The following TBC1D12 variants were observed in gnomAD, a reference collection of about 807,000 sequenced individuals.
TBC1D12 encodes the protein TBC1 domain family, member 12.
A neutral mutation model predicts 86.7 loss-of-function variants in TBC1D12; 56 were observed. That is an observed-to-expected ratio of 0.65 (90% CI 0.52 to 0.81). The LOEUF is 0.81. TBC1D12 is among the 30% of genes least tolerant of loss of function. The pLI is 0.00. For missense variants in TBC1D12, 1,023 were observed against 1,038.8 expected (o/e 0.98, Z 0.21); for synonymous variants, 421 against 411.7 (o/e 1.02, Z -0.27).
chr10:94,474,872 A>T (rs1423356786), intron 3 of TBC1D12, 89 bp downstream of exon 3: 2 of 1,162,800 alleles, frequency 1.7e-6, no homozygotes, highest in East Asian at 5.1e-5. Context: ...AGCGAGAAAG[A>T]TATTGAGAAA....
At chr10:94,528,958 T>G (rs1351391552) in intron 11 of TBC1D12, among the ~76,000 whole-genome samples, 1 of 151,596 alleles carries the variant, frequency 6.6e-6, no homozygotes, top group Non-Finnish European at 1.5e-5. Context: ...TGTAGAAAAA[T>G]AAATAATGGC....
intron 6 of TBC1D12, among the ~76,000 whole-genome samples, chr10:94,505,497 C>T (rs902770534): frequency 1.3e-5 from 2 of 152,096 alleles, no homozygotes; most frequent in African/African-American, 4.8e-5. Flanking sequence ...TGCTTGAACC[C>T]GGGAGGGGGA....
intron 12 of TBC1D12, among the ~76,000 whole-genome samples, chr10:94,532,546 C>A (rs756140671): frequency 4.1e-4 from 63 of 152,118 alleles, no homozygotes; most frequent in Non-Finnish European, 6.2e-4. Flanking sequence ...CATTTATTTG[C>A]CAGAGTAGTT....
At position 94,403,582 on chromosome 10, in the gene TBC1D12, C is replaced by G; in HGVS notation, c.969C>G (p.Thr323=). The G allele has an allele frequency of 1.4e-6, 2 of 1,472,212 alleles. No individual in the cohort carries two copies. Among genetic ancestry groups the G allele is most frequent in the Non-Finnish European group, 1.8e-6 (2 of 1,121,886 alleles). 91.2% of individuals were successfully genotyped at this position (1,472,212 alleles called of 1,614,324 possible). A position where few individuals can be genotyped will look rare whatever the true frequency, so the allele number is the denominator to read the frequency against. ...GTGGCGGCTTCGCGGACTTCTTCAC[C>G]AGGTACAGCGCAGGCTGCATGGGAC... ...RRSGGFADFF[T]RNLFPKRTKE... The change falls in exon 1 of 13, where the codon ACC becomes ACG. Residue 323 remains threonine (T), a splice_region_variant and synonymous_variant. Transcript: ENST00000225235.
intron 1 of TBC1D12, among the ~76,000 whole-genome samples, chr10:94,432,693 A>G (rs1168865359): frequency 6.6e-6 from 1 of 151,882 alleles, no homozygotes; most frequent in East Asian, 1.9e-4. Context: ...TTTTTTTATG[A>G]TTTAACAAGA....
intron 1 of TBC1D12, among the ~76,000 whole-genome samples, chr10:94,422,774 G>T (rs1274944577): frequency 6.6e-6 from 1 of 152,000 alleles, no homozygotes; most frequent in East Asian, 2.0e-4. Context: ...GTTTCAGTAT[G>T]TTGTCCTGGC....
At chr10:94,455,157 A>G (rs1282390212) in intron 2 of TBC1D12, among the ~76,000 whole-genome samples, 1 of 151,222 alleles carries the variant, frequency 6.6e-6, no homozygotes, top group African/African-American at 2.4e-5. Flanking sequence ...TTTGTTCTTT[A>G]GCCTCTTGAT....
Position 94,409,374 on chromosome 10 carries a change from CTT to C in TBC1D12, c.971+5809_971+5810del, listed in dbSNP as rs71306819. ...ACTTTGAAGTGCTAAATTAAATTAA[CTT>C]TTTTTTTTTTTTTTTTTTGAGACAG... On this transcript the variant is annotated intron_variant, in intron 1 of 12. Coordinates refer to ENST00000225235, the MANE Select transcript of TBC1D12 (RefSeq NM_015188.2). 8.0e-3 allele frequency among the ~76,000 whole-genome samples: 1,004 copies of C among 125,352 alleles called. 9 individuals carry two copies. Among genetic ancestry groups the C allele is most frequent in the African/African-American group, 0.028 (931 of 33,666 alleles). The allele number at this position is 125,352 out of a possible 152,430, so 82.2% of individuals were successfully genotyped here.
At chr10:94,473,631 T>G (rs2055943151) in intron 2 of TBC1D12, among the ~76,000 whole-genome samples, 1 of 152,186 alleles carries the variant, frequency 6.6e-6, no homozygotes, top group Non-Finnish European at 1.5e-5. Context: ...GTTCGTGAAA[T>G]CATTGAGTAA....
intron 2 of TBC1D12, among the ~76,000 whole-genome samples, chr10:94,471,845 A>G (rs150583900): frequency 9.0e-4 from 137 of 152,340 alleles, no homozygotes; most frequent in African/African-American, 2.6e-3. Context: ...ATATTTAAAT[A>G]TGTATTAGCT....
At chr10:94,505,237 C>A (rs1231909475) in intron 6 of TBC1D12, among the ~76,000 whole-genome samples, 3 of 152,008 alleles carry the variant, frequency 2.0e-5, no homozygotes, top group African/African-American at 4.8e-5. Context: ...TAAATTTTAA[C>A]CTTATATTCA....
intron 3 of TBC1D12, among the ~76,000 whole-genome samples, chr10:94,485,895 C>T (rs1351420729): frequency 5.3e-5 from 8 of 152,106 alleles, no homozygotes; most frequent in South Asian, 2.1e-4. Flanking sequence ...TCCAATTTAT[C>T]GGCACACAGT....
intron 7 of TBC1D12, chr10:94,508,971 G>T (rs2056494664): frequency 6.6e-6 from 1 of 152,052 alleles, no homozygotes; most frequent in Non-Finnish European, 1.5e-5. Context: ...AGAGTAAGCT[G>T]CTCTTTCCTG....
intron 1 of TBC1D12, among the ~76,000 whole-genome samples, chr10:94,410,449 C>T (rs2054914830): frequency 6.6e-6 from 1 of 152,022 alleles, no homozygotes; most frequent in South Asian, 2.1e-4. Flanking sequence ...CCATGTTGCC[C>T]AGGCTGGTGT....
chr10:94,453,090 A>T (rs1443094348), intron 2 of TBC1D12, among the ~76,000 whole-genome samples: 1 of 152,216 alleles, frequency 6.6e-6, no homozygotes, highest in African/African-American at 2.4e-5. Context: ...CTGATGATAT[A>T]CAGGTCTTTT....
At chr10:94,476,580 G>C (rs536427711) in intron 3 of TBC1D12, among the ~76,000 whole-genome samples, 1 of 152,280 alleles carries the variant, frequency 6.6e-6, no homozygotes, top group East Asian at 1.9e-4. Flanking sequence ...AAGATCTTTA[G>C]ACTTTGCAGC....
chr10:94,459,457 C>A (rs981630483), intron 2 of TBC1D12, among the ~76,000 whole-genome samples: 1 of 152,244 alleles, frequency 6.6e-6, no homozygotes, highest in South Asian at 2.1e-4. Context: ...GCTGGGGCTG[C>A]GGGTGGAGCT....
At chr10:94,470,828 A>G (rs1018559447) in intron 2 of TBC1D12, among the ~76,000 whole-genome samples, 1 of 149,462 alleles carries the variant, frequency 6.7e-6, no homozygotes, top group Non-Finnish European at 1.5e-5. Context: ...AATCTGTGCT[A>G]TTTTCTGATA....
intron 2 of TBC1D12, among the ~76,000 whole-genome samples, chr10:94,473,284 C>T (rs1268569871): frequency 6.6e-6 from 1 of 150,652 alleles, no homozygotes; most frequent in African/African-American, 2.4e-5. Context: ...CGCTTGAACC[C>T]GGGAGGCGGA....
Sources: gnomAD v4.1 joint callset for allele counts (sites outside exome capture counted in the v4.1 genomes callset) on GRCh38, gnomAD v4.1.1 for gene constraint, MANE v1.5 for transcripts, NCBI Gene and HGNC (gene_info 2026-07-23, HGNC 2026-07-21) for gene names.